The following STARD13 variants were observed in gnomAD, a reference collection of about 807,000 sequenced individuals.
STARD13 encodes the protein StAR related lipid transfer domain containing 13, also known as stAR-related lipid transfer protein 13.
In STARD13, 62 loss-of-function variants were observed where a neutral mutation model predicts 106.4. That is an observed-to-expected ratio of 0.58 (90% CI 0.48 to 0.72). STARD13 has a LOEUF of 0.72. Among genes scored for constraint, STARD13 ranks in the 30% least tolerant of loss-of-function variants. The probability of loss-of-function intolerance (pLI) is 0.00; values close to 1 mark genes in which losing one functional copy is unlikely to be tolerated. For missense variants in STARD13, 1,387 were observed against 1,424.0 expected, an observed-to-expected ratio of 0.97 and a Z score of 0.42; for synonymous variants, 565 against 553.0, an observed-to-expected ratio of 1.02 and a Z score of -0.31.
At chr13:33,262,754 C>G (rs1464040922) in intron 1 of STARD13, among the ~76,000 whole-genome samples, 1 of 151,166 alleles carries the variant, frequency 6.6e-6, no homozygotes, top group African/African-American at 2.4e-5. Flanking sequence ...AGTCCAGTTC[C>G]CACCCAGGCC....
At chr13:33,323,053 C>T (rs978643699) in intron 1 of STARD13, among the ~76,000 whole-genome samples, 6 of 152,026 alleles carry the variant, frequency 3.9e-5, no homozygotes, top group Admixed American at 6.5e-5. Context: ...ATATTTTTTC[C>T]TCCGGCCAGA....
At chr13:33,206,327 C>T (rs1353867676) in intron 1 of STARD13, among the ~76,000 whole-genome samples, 1 of 151,450 alleles carries the variant, frequency 6.6e-6, no homozygotes, top group Non-Finnish European at 1.5e-5. Flanking sequence ...TAGGTTTTTC[C>T]ATGCCTAATA....
chr13:33,427,798 A>G, the STARD13 span, among the ~76,000 whole-genome samples: 1 of 152,090 alleles, frequency 6.6e-6, no homozygotes, highest in Non-Finnish European at 1.5e-5. Flanking sequence ...TCTACTAAAA[A>G]TACAAAATTA....
intron 1 of STARD13, among the ~76,000 whole-genome samples, chr13:33,304,039 C>A (rs1892815197): frequency 6.6e-6 from 1 of 152,210 alleles, no homozygotes; most frequent in Non-Finnish European, 1.5e-5. Context: ...TGACTTGGCA[C>A]AATGAAAGAC....
At chr13:33,492,490 G>A in the STARD13 span, among the ~76,000 whole-genome samples, 1 of 152,138 alleles carries the variant, frequency 6.6e-6, no homozygotes, top group African/African-American at 2.4e-5. Flanking sequence ...ACAAGATATA[G>A]GTCATAAAGA....
At chr13:33,213,901 A>T (rs1433415081) in intron 1 of STARD13, among the ~76,000 whole-genome samples, 1 of 152,220 alleles carries the variant, frequency 6.6e-6, no homozygotes. Context: ...TTTAATTAAG[A>T]TGCTAATGGG....
chr13:33,250,462 G>A (rs1176792197), intron 1 of STARD13, among the ~76,000 whole-genome samples: 1 of 152,144 alleles, frequency 6.6e-6, no homozygotes, highest in Admixed American at 6.5e-5. Context: ...AAACAAGAAA[G>A]CCCTGCAGAG....
chr13:33,543,358 C>G, the STARD13 span, among the ~76,000 whole-genome samples: 467 of 152,242 alleles, frequency 3.1e-3, 2 homozygotes, highest in African/African-American at 0.011. Flanking sequence ...ATGGAAGTTT[C>G]AGAAAGGTAG....
chr13:33,564,063 C>T, the STARD13 span, among the ~76,000 whole-genome samples: 2 of 145,380 alleles, frequency 1.4e-5, no homozygotes, highest in African/African-American at 2.6e-5. Flanking sequence ...TGGTGGTGTG[C>T]ACCTGTAATC....
intron 8 of STARD13, among the ~76,000 whole-genome samples, chr13:33,117,085 T>G (rs897485218): frequency 6.6e-6 from 1 of 152,176 alleles, no homozygotes; most frequent in Non-Finnish European, 1.5e-5. Context: ...CATTGTCATA[T>G]CTAGCAAAGA....
At chr13:33,515,007 T>C in the STARD13 span, among the ~76,000 whole-genome samples, 1 of 152,106 alleles carries the variant, frequency 6.6e-6, no homozygotes, top group African/African-American at 2.4e-5. Flanking sequence ...TTATGTGGCC[T>C]GGAAAACACC....
At chr13:33,612,494 C>G in the STARD13 span, among the ~76,000 whole-genome samples, 98 of 152,252 alleles carry the variant, frequency 6.4e-4, no homozygotes, top group Non-Finnish European at 1.2e-3. Context: ...GCCAGGGGCA[C>G]AGCCTCCTGG....
chr13:33,672,843 T>C, the STARD13 span, among the ~76,000 whole-genome samples: 1 of 152,238 alleles, frequency 6.6e-6, no homozygotes, highest in African/African-American at 2.4e-5. Flanking sequence ...TACAGGCTAG[T>C]AACACAAGAA....
the STARD13 span, among the ~76,000 whole-genome samples, chr13:33,477,023 G>A: frequency 2.0e-5 from 3 of 152,240 alleles, no homozygotes; most frequent in Admixed American, 1.3e-4. Flanking sequence ...GAGATTTTAA[G>A]AGCCGATTTT....
chr13:33,646,537 A>G, the STARD13 span, among the ~76,000 whole-genome samples: 2 of 152,300 alleles, frequency 1.3e-5, no homozygotes, highest in East Asian at 3.9e-4. Context: ...CAGCAATAGG[A>G]AAAGTCAGGC....
At chr13:33,402,566 A>C in the STARD13 span, among the ~76,000 whole-genome samples, 1 of 152,312 alleles carries the variant, frequency 6.6e-6, no homozygotes, top group Admixed American at 6.5e-5. Context: ...AGGAACAGGC[A>C]TTTCTGTTTC....
At chr13:33,269,391 G>A (rs368073013) in intron 1 of STARD13, among the ~76,000 whole-genome samples, 6 of 152,286 alleles carry the variant, frequency 3.9e-5, no homozygotes, top group East Asian at 3.9e-4. Flanking sequence ...AGGATGGCAG[G>A]GGAACACCAG....
chr13:33,280,596 T>G (rs1201776640), intron 1 of STARD13: 7 of 152,188 alleles, frequency 4.6e-5, no homozygotes, highest in Non-Finnish European at 1.0e-4. Context: ...GTTTACAAGT[T>G]TCTGTATAAT....
At chr13:33,311,385 TGTG>T (rs1893132160) in intron 1 of STARD13, among the ~76,000 whole-genome samples, 1 of 152,210 alleles carries the variant, frequency 6.6e-6, no homozygotes. Flanking sequence ...CTATCATATA[TGTG>T]GTCCATTGTT....
Sources: gnomAD v4.1 joint callset for allele counts (sites outside exome capture counted in the v4.1 genomes callset) on GRCh38, gnomAD v4.1.1 for gene constraint, MANE v1.5 for transcripts, NCBI Gene and HGNC (gene_info 2026-07-23, HGNC 2026-07-21) for gene names.